Variants in STARD3NL observed in about 807,000 individuals in gnomAD.
The protein encoded by STARD3NL is STARD3 N-terminal-like protein.
Under a neutral mutation model 30.9 loss-of-function variants are expected in STARD3NL, and 17 were observed. The ratio of observed to expected loss-of-function variants is 0.55; its 90% CI spans 0.38 to 0.82. STARD3NL has a LOEUF of 0.82. STARD3NL is among the 40% of genes least tolerant of loss of function. The pLI, the probability that STARD3NL is intolerant of heterozygous loss-of-function variation, is 0.00. For synonymous variants in STARD3NL, 112 were observed against 100.5 expected (o/e 1.11, Z -0.69); for missense variants, 234 against 277.6 (o/e 0.84, Z 1.12).
chr7:38,207,425 GTC>G lies in STARD3NL; in HGVS notation c.-58-18_-58-17del, dbSNP rs1205134692. The stretch of plus-strand genomic sequence containing the variant: ...TTGATCAGCTTGGATTTAACATGGT[GTC>G]TCTTTTTTATTTCCCAAAGGTGTCT... On this transcript the variant is annotated intron_variant, in intron 1 of 8. Transcript: ENST00000009041. 6.8e-6 allele frequency: 8 copies of G among 1,170,494 alleles called. No homozygotes were observed. Among genetic ancestry groups the G allele is most frequent in the Middle Eastern group, 5.1e-4 (2 of 3,918 alleles). The allele number at this position is 1,170,494 out of a possible 1,614,324, so 72.5% of individuals were successfully genotyped here. A position where few individuals can be genotyped will look rare whatever the true frequency, so the allele number is the denominator to read the frequency against.
chr7:38,212,697 G>T (rs1785876584), intron 2 of STARD3NL, among the ~76,000 whole-genome samples: 1 of 152,180 alleles, frequency 6.6e-6, no homozygotes. Context: ...GAATGTCATG[G>T]AAGGCGGTGG....
intron 1 of STARD3NL, chr7:38,202,165 G>A (rs1216132343): frequency 2.0e-5 from 3 of 152,214 alleles, no homozygotes; most frequent in Non-Finnish European, 4.4e-5. Context: ...CCTTCCACTA[G>A]GGTGGCATTG....
intron 1 of STARD3NL, among the ~76,000 whole-genome samples, chr7:38,193,978 A>G (rs942858976): frequency 6.6e-6 from 1 of 152,130 alleles, no homozygotes; most frequent in Non-Finnish European, 1.5e-5. Flanking sequence ...TTCTGAATCA[A>G]TATGTAGGAT....
chr7:38,212,382 A>G (rs1389398205), intron 2 of STARD3NL, among the ~76,000 whole-genome samples: 1 of 152,134 alleles, frequency 6.6e-6, no homozygotes, highest in Non-Finnish European at 1.5e-5. Context: ...TTATCTTTTT[A>G]TAGAATTCAA....
chr7:38,227,123 C>A (rs1259714114), intron 7 of STARD3NL, among the ~76,000 whole-genome samples: 1 of 152,174 alleles, frequency 6.6e-6, no homozygotes, highest in Non-Finnish European at 1.5e-5. Flanking sequence ...AGCAAGAAGT[C>A]TCTTTTAAAA....
chr7:38,182,572 A>C, intron 1 of STARD3NL, among the ~76,000 whole-genome samples: 1 of 151,228 alleles, frequency 6.6e-6, no homozygotes, highest in East Asian at 1.9e-4. Flanking sequence ...CTGTGTTGGA[A>C]CTCCTGGCAG....
intron 1 of STARD3NL, among the ~76,000 whole-genome samples, chr7:38,198,803 C>T (rs1486939132): frequency 6.6e-6 from 1 of 152,134 alleles, no homozygotes. Context: ...TGCTGTCCAC[C>T]ATCTGGGTAG....
At chr7:38,193,977 A>C (rs912705483) in intron 1 of STARD3NL, among the ~76,000 whole-genome samples, 2 of 152,124 alleles carry the variant, frequency 1.3e-5, no homozygotes, top group African/African-American at 4.8e-5. Context: ...ATTCTGAATC[A>C]ATATGTAGGA....
At chr7:38,216,759 C>T (rs973214657) in intron 4 of STARD3NL, 2 of 478,748 alleles carry the variant, frequency 4.2e-6, no homozygotes, top group African/African-American at 3.9e-5. Flanking sequence ...GTGGATCAAA[C>T]TTAGTTACCT....
intron 2 of STARD3NL, among the ~76,000 whole-genome samples, chr7:38,213,740 C>T (rs1785942303): frequency 6.6e-6 from 1 of 152,182 alleles, no homozygotes; most frequent in Admixed American, 6.5e-5. Context: ...TTGACAGTAG[C>T]ATTGGGAGAG....
chr7:38,207,667 TTC>T lies in STARD3NL; in HGVS notation c.165_166del (p.Phe55LeufsTer7). 1.2e-6 allele frequency: 2 copies of T among 1,614,114 alleles called. No individual in the cohort carries two copies. Among genetic ancestry groups the T allele is most frequent in the Non-Finnish European group, 8.5e-7 (1 of 1,179,964 alleles). On this transcript the variant is annotated frameshift_variant, in exon 2 of 9. Transcript: ENST00000009041. LOFTEE classifies it high-confidence loss of function. ...KKGISDVRRT[F>X]CLFVTFDLLF... ...AGGCATATCTGATGTCAGGAGGACT[TTC>T]TGTTTGTTTGTCACCTTTGACCTCT...
chr7:38,203,820 G>T lies in STARD3NL; in HGVS notation c.-58-3627G>T, dbSNP rs186931685. The stretch of plus-strand genomic sequence containing the variant: ...AAATGGAAAACAAAAAAAGGCAGGG[G>T]TTGCAATCTTAGGCTCTCATAAAAC... On this transcript the variant is annotated intron_variant, in intron 1 of 8. Transcript: ENST00000009041. 3.5e-3 allele frequency among the ~76,000 whole-genome samples: 534 copies of T among 152,228 alleles called. 2 individuals are homozygous for T. The highest frequency in any genetic ancestry group is 0.013 in the African/African-American group (521 of 41,518).
At chr7:38,191,727 A>T (rs925723116) in intron 1 of STARD3NL, among the ~76,000 whole-genome samples, 1 of 152,084 alleles carries the variant, frequency 6.6e-6, no homozygotes, top group African/African-American at 2.4e-5. Flanking sequence ...ACTCTCTATT[A>T]TGTTCTATTG....
At chr7:38,217,410 G>C in intron 6 of STARD3NL, 105 bp downstream of exon 6, 1 of 1,009,670 alleles carries the variant, frequency 9.9e-7, no homozygotes, top group Non-Finnish European at 1.5e-6. Context: ...GGTAGAGTTA[G>C]GCAGTGGTGG....
chr7:38,221,414 G>A (rs1786455360), intron 7 of STARD3NL, among the ~76,000 whole-genome samples: 1 of 152,008 alleles, frequency 6.6e-6, no homozygotes, highest in Admixed American at 6.6e-5. Context: ...TTGTAAGATT[G>A]TGTCTAACCT....
chr7:38,197,381 A>G (rs1407197343), intron 1 of STARD3NL, among the ~76,000 whole-genome samples: 1 of 151,872 alleles, frequency 6.6e-6, no homozygotes, highest in African/African-American at 2.4e-5. Context: ...CTACACTGCC[A>G]TACCCAGCTA....
chr7:38,192,790 G>C (rs1784739669), intron 1 of STARD3NL, among the ~76,000 whole-genome samples: 1 of 152,136 alleles, frequency 6.6e-6, no homozygotes, highest in South Asian at 2.1e-4. Flanking sequence ...TTACAATTCA[G>C]ATTTCTGGCA....
intron 7 of STARD3NL, among the ~76,000 whole-genome samples, chr7:38,222,330 A>G (rs1005852859): frequency 3.3e-5 from 5 of 152,234 alleles, no homozygotes; most frequent in Admixed American, 2.6e-4. Flanking sequence ...TACAACACAG[A>G]AACATAGAGC....
At chr7:38,182,119 C>A (rs565175528) in intron 1 of STARD3NL, among the ~76,000 whole-genome samples, 2 of 152,280 alleles carry the variant, frequency 1.3e-5, no homozygotes, top group East Asian at 3.9e-4. Flanking sequence ...TTGACTTGAG[C>A]TTAAAAAACT....
Sources: allele counts gnomAD v4.1 joint callset (sites outside exome capture counted in the v4.1 genomes callset), GRCh38; gene constraint gnomAD v4.1.1; transcripts MANE v1.5; gene names NCBI Gene and HGNC (gene_info 2026-07-23, HGNC 2026-07-21).